Variants in AGAP1 observed in about 807,000 individuals in gnomAD.
AGAP1 encodes the protein ArfGAP with GTPase domain, ankyrin repeat and PH domain 1.
In AGAP1, 29 loss-of-function variants were observed where a neutral mutation model predicts 105.3. The ratio of observed to expected loss-of-function variants is 0.28; its 90% CI spans 0.21 to 0.38. The LOEUF (loss-of-function observed/expected upper bound fraction) is 0.38, where lower values mean the gene tolerates loss of function less well. Ranked by LOEUF, AGAP1 falls within the 10% of genes least tolerant of loss-of-function variation. AGAP1 has a pLI of 1.00. For missense variants in AGAP1, 998 were observed against 1,165.1 expected (o/e 0.86, Z 2.09); for synonymous variants, 509 against 485.9 (o/e 1.05, Z -0.63).
intron 13 of AGAP1, among the ~76,000 whole-genome samples, chr2:235,999,578 A>G (rs112095171): frequency 1.7e-3 from 99 of 58,468 alleles, no homozygotes; most frequent in African/African-American, 7.3e-3. Flanking sequence ...GACCAATATG[A>G]TATGGTGGTG....
intron 10 of AGAP1, among the ~76,000 whole-genome samples, chr2:235,885,991 A>G (rs1282662041): frequency 1.3e-5 from 2 of 152,132 alleles, no homozygotes; most frequent in African/African-American, 4.8e-5. Flanking sequence ...CCATTCCATG[A>G]CGCCCACCTG....
At chr2:235,847,415 C>T (rs1961627476) in intron 9 of AGAP1, among the ~76,000 whole-genome samples, 1 of 152,152 alleles carries the variant, frequency 6.6e-6, no homozygotes, top group South Asian at 2.1e-4. Flanking sequence ...TGTTGTTACA[C>T]AGTGTACATA....
At position 236,040,923 on chromosome 2, in the gene AGAP1, C is replaced by A; in HGVS notation, c.1891+82C>A. 7.2e-7 allele frequency: 1 copy of A among 1,383,060 alleles called. No individual in the cohort carries two copies. The highest frequency in any genetic ancestry group is 1.0e-6 in the Non-Finnish European group (1 of 976,594). 85.7% of individuals were successfully genotyped at this position (1,383,060 alleles called of 1,614,324 possible). On this transcript the variant is annotated intron_variant, in intron 15 of 17. Coordinates refer to ENST00000304032, the MANE Select transcript of AGAP1 (RefSeq NM_001037131.3). The surrounding 1 kb of genome is among the most constrained non-coding windows in gnomAD (Gnocchi z 5.6). ...CCCACTAGGCCCGGGTTGCAGGGGA[C>A]TCACATCTGTCCTGTTTGGCAGATA...
At position 235,635,622 on chromosome 2, in the gene AGAP1, A is replaced by G. The variant is rs1946970238; in HGVS notation, c.164-73557A>G. Among the ~76,000 whole-genome samples the G allele has an allele frequency of 6.6e-6, 1 of 151,884 alleles. No individual in the cohort carries two copies. Among genetic ancestry groups the G allele is most frequent in the Admixed American group, 6.6e-5 (1 of 15,236 alleles). On this transcript the variant is annotated intron_variant, in intron 1 of 17. Coordinates refer to ENST00000304032, the MANE Select transcript of AGAP1 (RefSeq NM_001037131.3). This position sits in a 1 kb window ranked among gnomAD's most constrained non-coding sequence, Gnocchi z 5.3. ...CCTAGAGCAACCTACTAGATCAATG[A>G]GTTTTCTAGGGAGGCATCAGAGTTA...
chr2:235,554,445 G>A (rs1000256980), intron 1 of AGAP1, among the ~76,000 whole-genome samples: 4 of 152,206 alleles, frequency 2.6e-5, no homozygotes, highest in African/African-American at 4.8e-5. Flanking sequence ...GAAAGAAAAC[G>A]CCAGGCCATG....
In AGAP1 at chr2:235,620,587, T is replaced by G. The variant is rs933875579; in HGVS notation, c.164-88592T>G. On this transcript the variant is annotated intron_variant, in intron 1 of 17. Transcript: ENST00000304032. The surrounding 1 kb of genome is among the most constrained non-coding windows in gnomAD (Gnocchi z 4.5). ...CTCCAGTGTCATTGAGGACCCTCCG[T>G]GGCACCTGGCCTTCCTCCCAGCCAC... 6.6e-6 allele frequency among the ~76,000 whole-genome samples: 1 copy of G among 152,202 alleles called. No individual in the cohort carries two copies. The highest frequency in any genetic ancestry group is 1.5e-5 in the Non-Finnish European group (1 of 68,038).
intron 1 of AGAP1, among the ~76,000 whole-genome samples, chr2:235,500,513 G>A (rs1012600859): frequency 9.9e-5 from 15 of 152,196 alleles, no homozygotes; most frequent in Admixed American, 2.6e-4. Flanking sequence ...TCTCTGGGCC[G>A]TTGTTTCTTC....
At chr2:236,079,361 A>C (rs1175294771) in intron 16 of AGAP1, among the ~76,000 whole-genome samples, 1 of 130,690 alleles carries the variant, frequency 7.7e-6, no homozygotes, top group African/African-American at 3.4e-5. Flanking sequence ...TCTACAAAAA[A>C]AGAAAATTTA....
intron 16 of AGAP1, among the ~76,000 whole-genome samples, chr2:236,102,140 G>A (rs368914879): frequency 5.6e-4 from 85 of 152,244 alleles, no homozygotes; most frequent in East Asian, 1.9e-3. Context: ...AAATTAGGCC[G>A]GGCGCGGTGG....
chr2:235,850,895 G>A lies in AGAP1; in HGVS notation c.1051-32450G>A, dbSNP rs538444553. 3.9e-5 allele frequency among the ~76,000 whole-genome samples: 6 copies of A among 152,330 alleles called. No homozygotes were observed. The South Asian group carries it at 1.2e-3, about 32-fold the overall frequency. On this transcript the variant is annotated intron_variant, in intron 9 of 17. Coordinates refer to ENST00000304032, the MANE Select transcript of AGAP1 (RefSeq NM_001037131.3). The stretch of plus-strand genomic sequence containing the variant: ...GGTCCAAGTCCATCTGGGGGATTGT[G>A]GTCTGTGGTGGGCAGGGGCTGACTA...
chr2:235,670,969 G>A, intron 1 of AGAP1: 1 of 1,316,840 alleles, frequency 7.6e-7, no homozygotes, highest in Admixed American at 3.9e-5. Context: ...GCGGAGCCTC[G>A]CGGCCACGCG....
At chr2:235,668,024 C>T (rs1486820677) in intron 1 of AGAP1, among the ~76,000 whole-genome samples, 2 of 145,636 alleles carry the variant, frequency 1.4e-5, no homozygotes, top group African/African-American at 5.1e-5. Context: ...ATGATTCTGT[C>T]TTGGAGACCC....
rs1428796007 is a variant in AGAP1 at position 235,788,326 on chromosome 2, G to A, written c.674-9433G>A. ...ATAGGAAAAGACCTAGAAGATTTGA[G>A]GATTTTAATTCAGGAAAGTCCACCA... is the stretch of plus-strand genomic sequence containing the variant. On this transcript the variant is annotated intron_variant, in intron 6 of 17. Transcript: ENST00000304032. This position sits in a 1 kb window ranked among gnomAD's most constrained non-coding sequence, Gnocchi z 6.0. 1.3e-5 allele frequency among the ~76,000 whole-genome samples: 2 copies of A among 152,114 alleles called. No individual in the cohort carries two copies. The highest frequency in any genetic ancestry group is 4.8e-5 in the African/African-American group (2 of 41,438).
chr2:235,679,683 A>G (rs915251985), intron 1 of AGAP1, among the ~76,000 whole-genome samples: 2 of 152,230 alleles, frequency 1.3e-5, no homozygotes, highest in Non-Finnish European at 2.9e-5. Context: ...GCTGCGTCCC[A>G]ACATCACCTT....
rs1946460648 is a variant in AGAP1, at chr2:235,621,041, G to T, written c.164-88138G>T. Among the ~76,000 whole-genome samples the T allele has an allele frequency of 6.6e-6, 1 of 151,974 alleles. No homozygotes were observed. The highest frequency in any genetic ancestry group is 1.5e-5 in the Non-Finnish European group (1 of 68,012). On this transcript the variant is annotated intron_variant, in intron 1 of 17. Transcript: ENST00000304032. This position sits in a 1 kb window ranked among gnomAD's most constrained non-coding sequence, Gnocchi z 4.1. ...AGTTAATTTTTTTCCTTTTTTTGGA[G>T]ACCCAGTCTCGCTCTTGTCTCCCAG...
rs549844265 is a variant in AGAP1 at position 235,702,934 on chromosome 2, G to GTTTTTTTTTTTTTTTTTTTTTTTTTTT, written c.164-6233_164-6232insTTTTTTTTTTTTTTTTTTTTTTTTTTT. 2.3e-3 allele frequency among the ~76,000 whole-genome samples: 207 copies of GTTTTTTTTTTTTTTTTTTTTTTTTTTT among 88,924 alleles called. 61 individuals carry two copies. The highest frequency in any genetic ancestry group is 0.016 in the East Asian group (28 of 1,732). 58.3% of individuals were successfully genotyped at this position (88,924 alleles called of 152,430 possible). On this transcript the variant is annotated intron_variant, in intron 1 of 17. Transcript: ENST00000304032. ...TGGTCACTGTGAGCCAGTTTTCTTGGTTTTTTTTTTTTGGACAGAGTCTGG... is the reference window on the plus strand; with the variant it reads ...TGGTCACTGTGAGCCAGTTTTCTTGGTTTTTTTTTTTTTTTTTTTTTTTTTTTTTTTTTTTTTTTGGACAGAGTCTGG...
chr2:235,857,412 G>C (rs116867748), intron 9 of AGAP1, among the ~76,000 whole-genome samples: 1 of 152,158 alleles, frequency 6.6e-6, no homozygotes. Flanking sequence ...GGCCGCTGTC[G>C]TAGATCCTTT....
At position 235,883,195 on chromosome 2, in the gene AGAP1, G is replaced by C; in HGVS notation, c.1051-150G>C. On this transcript the variant is annotated intron_variant, in intron 9 of 17. Coordinates refer to ENST00000304032, the MANE Select transcript of AGAP1 (RefSeq NM_001037131.3). The surrounding 1 kb of genome is among the most constrained non-coding windows in gnomAD (Gnocchi z 4.5). ...TCAATGTGTTTGTGTCGTATTTGTT[G>C]AACTAATGGCATATCTTTTAGCATT... The C allele has an allele frequency of 1.6e-6, 1 of 636,424 alleles. No individual in the cohort carries two copies. Among genetic ancestry groups the C allele is most frequent in the East Asian group, 2.7e-5 (1 of 36,544 alleles). The allele number at this position is 636,424 out of a possible 1,614,324, so 39.4% of individuals were successfully genotyped here.
chr2:235,910,142 C>T (rs943580920), intron 11 of AGAP1, among the ~76,000 whole-genome samples: 10 of 26,104 alleles, frequency 3.8e-4, no homozygotes, highest in Non-Finnish European at 5.2e-4. Flanking sequence ...GAGGCATGAA[C>T]GACACTGGTA....
Sources: gnomAD v4.1 joint callset for allele counts (sites outside exome capture counted in the v4.1 genomes callset) on GRCh38, gnomAD v4.1.1 for gene constraint, Gnocchi (gnomAD v3.1) non-coding constraint, MANE v1.5 for transcripts, NCBI Gene and HGNC (gene_info 2026-07-23, HGNC 2026-07-21) for gene names.